The following BICRAL variants were observed in gnomAD, a reference collection of about 807,000 sequenced individuals.
The protein encoded by BICRAL is BICRA like chromatin remodeling complex associated protein.
A neutral mutation model predicts 91.8 loss-of-function variants in BICRAL; 8 were observed. That is an observed-to-expected ratio of 0.09 (90% CI 0.05 to 0.16). The LOEUF (loss-of-function observed/expected upper bound fraction) is 0.16, where lower values mean the gene tolerates loss of function less well. Ranked by LOEUF, BICRAL falls within the 10% of genes least tolerant of loss-of-function variation. The probability of loss-of-function intolerance (pLI) is 1.00; values close to 1 mark genes in which losing one functional copy is unlikely to be tolerated. For synonymous variants in BICRAL, 445 were observed against 491.1 expected, an observed-to-expected ratio of 0.91 and a Z score of 1.24; for missense variants, 1,038 against 1,310.9, an observed-to-expected ratio of 0.79 and a Z score of 3.21.
intron 6 of BICRAL, among the ~76,000 whole-genome samples, chr6:42,848,055 G>A (rs1448561158): frequency 6.6e-6 from 1 of 152,064 alleles, no homozygotes; most frequent in South Asian, 2.1e-4. Flanking sequence ...CGTGAACCCA[G>A]GAGGCGGAGC....
At chr6:42,792,296 A>C (rs1464106119) in intron 1 of BICRAL, among the ~76,000 whole-genome samples, 2 of 152,036 alleles carry the variant, frequency 1.3e-5, no homozygotes, top group African/African-American at 4.8e-5. Context: ...TTTCTGAGAC[A>C]GTATCTTGGT....
chr6:42,824,738 C>T (rs1764240756), intron 5 of BICRAL, among the ~76,000 whole-genome samples: 1 of 152,212 alleles, frequency 6.6e-6, no homozygotes, highest in South Asian at 2.1e-4. Context: ...TTCATAGTTA[C>T]TTATAAGTTG....
At chr6:42,785,114 T>A (rs983404371) in intron 1 of BICRAL, among the ~76,000 whole-genome samples, 5 of 152,190 alleles carry the variant, frequency 3.3e-5, no homozygotes, top group Non-Finnish European at 7.4e-5. Context: ...AATTATTTCC[T>A]CAGAGAAAAA....
chr6:42,815,333 G>C (rs1196155407), intron 2 of BICRAL, among the ~76,000 whole-genome samples: 1 of 151,352 alleles, frequency 6.6e-6, no homozygotes, highest in East Asian at 1.9e-4. Flanking sequence ...AGGATTACAG[G>C]CATCCACCAC....
chr6:42,814,519 A>ATATATATATTT (rs1237976324), intron 2 of BICRAL, among the ~76,000 whole-genome samples: 1 of 80,236 alleles, frequency 1.2e-5, no homozygotes, highest in South Asian at 4.2e-4. Context: ...ATATATATAT[A>ATATATATATTT]TTTTTTTTTT....
upstream of BICRAL, among the ~76,000 whole-genome samples, chr6:42,779,209 C>T (rs1762847075): frequency 7.4e-6 from 1 of 135,172 alleles, no homozygotes; most frequent in African/African-American, 2.8e-5. Context: ...AGAGGGAGAT[C>T]CTGTCTCAAG....
chr6:42,848,707 G>C (rs1044430180), intron 6 of BICRAL, among the ~76,000 whole-genome samples: 1 of 152,152 alleles, frequency 6.6e-6, no homozygotes, highest in Non-Finnish European at 1.5e-5. Context: ...AGCCAGGCTT[G>C]GTGGCACACA....
At chr6:42,774,319 AG>A (rs1289975966) in intron 1 of BICRAL, among the ~76,000 whole-genome samples, 1 of 152,216 alleles carries the variant, frequency 6.6e-6, no homozygotes, top group Non-Finnish European at 1.5e-5. Flanking sequence ...AAAAGTATCC[AG>A]GGGTTGGTCT....
intron 1 of BICRAL, among the ~76,000 whole-genome samples, chr6:42,764,989 G>A (rs1487247767): frequency 1.3e-5 from 2 of 152,162 alleles, no homozygotes; most frequent in African/African-American, 2.4e-5. Context: ...TTAGAAAAAC[G>A]TTTTGTGAAT....
Position 42,862,561 on chromosome 6 carries a change from G to T in BICRAL, c.2401G>T (p.Glu801Ter). Residue 801 changes from glutamate to a stop codon, truncating the protein, a stop_gained, in exon 12 of 13, where the codon GAG (glutamate) becomes TAG (stop). Coordinates refer to ENST00000314073, the MANE Select transcript of BICRAL (RefSeq NM_001393499.1). LOFTEE classifies it high-confidence loss of function. ...GATGATCGATAGGATGTTCAACCAG[G>T]AGGAAAGAGCTTCCCTGTCCCGAGA... ...MVMIDRMFNQ[E>*]ERASLSRDKR... 2 of 1,612,856 alleles carry T rather than the reference G, an allele frequency of 1.2e-6. No individual in the cohort carries two copies. Among genetic ancestry groups the T allele is most frequent in the Non-Finnish European group, 1.7e-6 (2 of 1,178,898 alleles).
chr6:42,753,284 G>A (rs1762408823), intron 1 of BICRAL, among the ~76,000 whole-genome samples: 2 of 151,946 alleles, frequency 1.3e-5, no homozygotes, highest in Admixed American at 1.3e-4. Flanking sequence ...GTCTGGTCTT[G>A]AACTCTTGGC....
At chr6:42,777,257 C>T (rs186264654), upstream of BICRAL, among the ~76,000 whole-genome samples, 1 of 152,302 alleles carries the variant, frequency 6.6e-6, no homozygotes, top group Admixed American at 6.5e-5. Flanking sequence ...ACATTTTACA[C>T]TAGTTCCTGA....
upstream of BICRAL, among the ~76,000 whole-genome samples, chr6:42,781,432 C>G (rs1762901974): frequency 6.6e-6 from 1 of 152,046 alleles, no homozygotes; most frequent in Admixed American, 6.5e-5. Context: ...CAGTTATTTG[C>G]CTAATAACTA....
At position 42,828,856 on chromosome 6, in the gene BICRAL, G is replaced by A. The variant is rs555495054; in HGVS notation, c.523G>A (p.Ala175Thr). 4.6e-5 allele frequency: 75 copies of A among 1,614,190 alleles called. No individual in the cohort carries two copies. The South Asian group carries it at 7.5e-4, about 16-fold the overall frequency. Reference sequence around the variant, plus strand: ...AGGGGTGACGCATGTGCCTGTTGGAGCATCGTTTGCAAGCAATACAGTGGG... The same window carrying A: ...AGGGGTGACGCATGTGCCTGTTGGAACATCGTTTGCAAGCAATACAGTGGG... ...PIGVTHVPVGASFASNTVGVQ... is the reference protein window; with the variant it reads ...PIGVTHVPVGTSFASNTVGVQ... Residue 175 changes from alanine (A) to threonine (T), a missense_variant, in exon 6 of 13, where the codon GCA (alanine) becomes ACA (threonine). Ala to Thr is a moderately conservative substitution (Grantham distance 58). This residue lies in a region of BICRAL where 532 missense variants were observed against 724.9 expected (regional missense o/e 0.73). Transcript: ENST00000314073.
At chr6:42,775,831 GT>G (rs1271168520) in intron 1 of BICRAL, among the ~76,000 whole-genome samples, 13 of 152,108 alleles carry the variant, frequency 8.5e-5, no homozygotes, top group Non-Finnish European at 1.5e-4. Context: ...GATGTGAAGT[GT>G]TTAAATTCAT....
intron 1 of BICRAL, among the ~76,000 whole-genome samples, chr6:42,786,604 A>T (rs1049773461): frequency 6.6e-6 from 1 of 152,240 alleles, no homozygotes; most frequent in Non-Finnish European, 1.5e-5. Context: ...GAAAATAGTT[A>T]AAAAATCAAG....
chr6:42,807,575 T>A (rs564915184), intron 1 of BICRAL, among the ~76,000 whole-genome samples: 15 of 151,800 alleles, frequency 9.9e-5, no homozygotes, highest in African/African-American at 2.9e-4. Flanking sequence ...ATTCTTTTTT[T>A]AAAAAATGTG....
At chr6:42,765,128 T>TC (rs1392206405) in intron 1 of BICRAL, among the ~76,000 whole-genome samples, 7 of 152,230 alleles carry the variant, frequency 4.6e-5, no homozygotes. Flanking sequence ...TGAAATGTCT[T>TC]GTCAAGTGAG....
rs754684568 is a variant in BICRAL, at chr6:42,829,345, G to A, written c.1012G>A (p.Val338Ile). ...VNNLGIQQHHVQQGISFASAS... is the reference protein window; with the variant it reads ...VNNLGIQQHHIQQGISFASAS... ...CAATTTGGGAATTCAGCAGCACCAC[G>A]TACAACAAGGGATCTCTTTTGCTTC... The change falls in exon 6 of 13, where the codon GTA becomes ATA. Residue 338 changes from valine (V) to isoleucine (I), a missense_variant. Transcript: ENST00000314073. The A allele has an allele frequency of 1.5e-5, 24 of 1,614,048 alleles. No homozygotes were observed. Among genetic ancestry groups the A allele is most frequent in the South Asian group, 3.3e-5 (3 of 91,090 alleles).
Sources: gnomAD v4.1 joint callset for allele counts (sites outside exome capture counted in the v4.1 genomes callset) on GRCh38, gnomAD v4.1.1 for gene constraint, gnomAD v4.1.1 regional missense constraint, MANE v1.5 for transcripts, NCBI Gene and HGNC (gene_info 2026-07-23, HGNC 2026-07-21) for gene names.